The following CREBBP variants were observed in gnomAD, a reference collection of about 807,000 sequenced individuals.
The protein encoded by CREBBP is CREB binding lysine acetyltransferase, also known as CREB-binding protein.
In CREBBP, 19 loss-of-function variants were observed where a neutral mutation model predicts 265.0. That is an observed-to-expected ratio of 0.07 (90% confidence interval 0.05 to 0.11). The LOEUF (loss-of-function observed/expected upper bound fraction) is 0.11. Among genes scored for constraint, CREBBP ranks in the 10% least tolerant of loss-of-function variants. The probability of loss-of-function intolerance (pLI) is 1.00; values close to 1 mark genes in which losing one functional copy is unlikely to be tolerated. For synonymous variants in CREBBP, 1,457 were observed against 1,223.7 expected, an observed-to-expected ratio of 1.19 and a Z score of -3.98; for missense variants, 2,525 against 3,219.0, an observed-to-expected ratio of 0.78 and a Z score of 5.22.
rs1168515607 is a variant in CREBBP at position 3,778,696 on chromosome 16, C to G, written c.1941+4G>C. The G allele has an allele frequency of 5.0e-6, 8 of 1,606,748 alleles. No homozygotes were observed. Among genetic ancestry groups the G allele is most frequent in the African/African-American group, 1.3e-5 (1 of 74,784 alleles). On this transcript the variant is annotated splice_donor_region_variant and intron_variant, in intron 9 of 30. Transcript: ENST00000262367. ...AGGCCAGAGCACGGTAAACAGCAAC[C>G]TACCCTGCTGTTGGCAGACTCGTAC...
intron 2 of CREBBP, among the ~76,000 whole-genome samples, chr16:3,829,305 G>C (rs2054297144): frequency 6.6e-6 from 1 of 152,182 alleles, no homozygotes. Context: ...CAGAAGATGA[G>C]AGATAACGTT....
chr16:3,799,101 T>C (rs1305050283), intron 3 of CREBBP, among the ~76,000 whole-genome samples: 2 of 152,170 alleles, frequency 1.3e-5, no homozygotes, highest in African/African-American at 4.8e-5. Context: ...ATTCAATTTC[T>C]AGGAAATGCC....
At chr16:3,833,824 A>T (rs981390247) in intron 2 of CREBBP, among the ~76,000 whole-genome samples, 2 of 152,200 alleles carry the variant, frequency 1.3e-5, no homozygotes, top group Non-Finnish European at 2.9e-5. Flanking sequence ...TTCAAAGATA[A>T]TGTCAAGAGA....
chr16:3,849,133 G>A (rs988908644), intron 2 of CREBBP, among the ~76,000 whole-genome samples: 3 of 152,122 alleles, frequency 2.0e-5, no homozygotes, highest in Non-Finnish European at 2.9e-5. Context: ...GCCTGAAGAC[G>A]TGCCTGGTGG....
chr16:3,834,030 A>T (rs1406367576), intron 2 of CREBBP, among the ~76,000 whole-genome samples: 1 of 152,240 alleles, frequency 6.6e-6, no homozygotes, highest in Non-Finnish European at 1.5e-5. Context: ...AAGATGACCC[A>T]CATCTTATCA....
At chr16:3,867,645 T>C (rs1033734068) in intron 1 of CREBBP, among the ~76,000 whole-genome samples, 6 of 151,444 alleles carry the variant, frequency 4.0e-5, no homozygotes, top group African/African-American at 1.2e-4. Flanking sequence ...GGGCCGAGCA[T>C]AGTGGCTCAC....
intron 3 of CREBBP, among the ~76,000 whole-genome samples, chr16:3,798,986 A>C (rs1485975970): frequency 6.6e-6 from 1 of 152,130 alleles, no homozygotes; most frequent in Non-Finnish European, 1.5e-5. Flanking sequence ...CCAAAACGGA[A>C]TATTATTCAA....
Position 3,728,851 on chromosome 16 carries a change from C to T in CREBBP, c.6196G>A (p.Ala2066Thr), listed in dbSNP as rs1479729612. Reference protein sequence around the residue: ...VQPPRSISPSALQDLLRTLKS... With the variant: ...VQPPRSISPSTLQDLLRTLKS... Reference sequence around the variant, plus strand: ...AGGGTCCGCAGCAGGTCTTGCAGAGCGCTGGGTGAGATGCTCCTGGGTGGC... The same window carrying T: ...AGGGTCCGCAGCAGGTCTTGCAGAGTGCTGGGTGAGATGCTCCTGGGTGGC... Residue 2066 changes from alanine (A) to threonine (T), a missense_variant, in exon 31 of 31, where the codon GCT becomes ACT. Coordinates refer to ENST00000262367, the MANE Select transcript of CREBBP (RefSeq NM_004380.3). The surrounding 1 kb of genome is among the most constrained non-coding windows in gnomAD (Gnocchi z 8.7). 7 of 1,613,034 alleles carry T rather than the reference C, an allele frequency of 4.3e-6. No homozygotes were observed. Among genetic ancestry groups the T allele is most frequent in the Non-Finnish European group, 4.2e-6 (5 of 1,179,930 alleles).
rs375907437 is a variant in CREBBP at position 3,766,157 on chromosome 16, A to G, written c.3250+1563T>C. On this transcript the variant is annotated intron_variant, in intron 16 of 30. Transcript: ENST00000262367. The stretch of plus-strand genomic sequence containing the variant: ...CATGCAAGCACAAAAGATCCATTCC[A>G]AGTACAAGATGGATCAATGGATTCT... Among the ~76,000 whole-genome samples the G allele has an allele frequency of 5.9e-5, 9 of 152,336 alleles. No homozygotes were observed. The South Asian group carries it at 1.2e-3, about 21-fold the overall frequency.
intron 2 of CREBBP, among the ~76,000 whole-genome samples, chr16:3,838,394 G>A (rs922896596): frequency 5.9e-5 from 9 of 152,126 alleles, no homozygotes; most frequent in South Asian, 2.1e-4. Flanking sequence ...ACTTAATGAT[G>A]CATTTCACCC....
In CREBBP at chr16:3,879,881, G is replaced by A. The variant is rs1441646219; in HGVS notation, c.36C>T (p.Pro12=). ...AENLLDGPPN[P]KRAKLSSPGF... ...CGGGCGAGCTGAGTTTGGCTCTTTT[G>A]GGGTTGGGCGGTCCGTCCAGCAAGT... Residue 12 remains proline, a synonymous_variant, in exon 1 of 31, where the codon CCC becomes CCT. Coordinates refer to ENST00000262367, the MANE Select transcript of CREBBP (RefSeq NM_004380.3). 1.9e-6 allele frequency: 3 copies of A among 1,612,750 alleles called. No homozygotes were observed. Among genetic ancestry groups the A allele is most frequent in the Admixed American group, 1.7e-5 (1 of 59,960 alleles).
chr16:3,818,525 C>T (rs774791879), intron 2 of CREBBP, among the ~76,000 whole-genome samples: 17 of 152,022 alleles, frequency 1.1e-4, no homozygotes, highest in Non-Finnish European at 1.8e-4. Context: ...CTAAAGACCA[C>T]GTTGGCCAGG....
At chr16:3,761,651 G>C (rs189896539) in intron 16 of CREBBP, 1 of 504,076 alleles carries the variant, frequency 2.0e-6, no homozygotes, top group Admixed American at 2.1e-5. Context: ...CCTGAGGTCC[G>C]GGCAACCAGG....
At chr16:3,766,359 T>G (rs2052852623) in intron 16 of CREBBP, among the ~76,000 whole-genome samples, 1 of 152,190 alleles carries the variant, frequency 6.6e-6, no homozygotes, top group African/African-American at 2.4e-5. Flanking sequence ...CTTCATACAC[T>G]TCAACCAAAA....
At chr16:3,783,417 G>A (rs955842489) in intron 5 of CREBBP, among the ~76,000 whole-genome samples, 4 of 152,118 alleles carry the variant, frequency 2.6e-5, no homozygotes, top group African/African-American at 7.2e-5. Flanking sequence ...ATACCTGGTC[G>A]GTCAGTTTTG....
rs766085073 is a variant in CREBBP at position 3,731,829 on chromosome 16, C to T, written c.4837G>A (p.Val1613Met). The stretch of plus-strand genomic sequence containing the variant: ...AGCTTCTGGGACAGGTCATTGGACA[C>T]GTTGGGCATGCTGGGCTTCTTCTTG... ...ANKKKPSMPN[V>M]SNDLSQKLYA... The change falls in exon 29 of 31, where the codon GTG (valine) becomes ATG (methionine). Residue 1613 changes from valine to methionine, a missense_variant. Transcript: ENST00000262367. This position sits in a 1 kb window ranked among gnomAD's most constrained non-coding sequence, Gnocchi z 7.7. 65 of 1,614,132 alleles carry T rather than the reference C, an allele frequency of 4.0e-5. No homozygotes were observed. Among genetic ancestry groups the T allele is most frequent in the Non-Finnish European group, 4.6e-5 (54 of 1,180,056 alleles).
Position 3,773,710 on chromosome 16 carries a change from T to A in CREBBP, c.2463+41A>T, listed in dbSNP as rs780428567. On this transcript the variant is annotated intron_variant, in intron 13 of 30. Coordinates refer to ENST00000262367, the MANE Select transcript of CREBBP (RefSeq NM_004380.3). ...AAAAACCAAAACTTAACACAAGAATTTTATTTCCTAGGGAGCCACGGTCCC... is the reference window on the plus strand; with the variant it reads ...AAAAACCAAAACTTAACACAAGAATATTATTTCCTAGGGAGCCACGGTCCC... 3 of 1,604,136 alleles carry A rather than the reference T, an allele frequency of 1.9e-6. No individual in the cohort carries two copies. The East Asian group carries it at 6.7e-5, about 36-fold the overall frequency.
At chr16:3,843,793 C>T (rs1457467653) in intron 2 of CREBBP, among the ~76,000 whole-genome samples, 2 of 152,084 alleles carry the variant, frequency 1.3e-5, no homozygotes, top group Admixed American at 6.6e-5. Flanking sequence ...AGGGTGAAGT[C>T]TCTCAATTCT....
At chr16:3,853,939 A>AAAACAAAC (rs550524407) in intron 1 of CREBBP, among the ~76,000 whole-genome samples, 11 of 151,666 alleles carry the variant, frequency 7.3e-5, no homozygotes, top group Admixed American at 2.0e-4. Flanking sequence ...CTCCGTCTCA[A>AAAACAAAC]AAACAAACAA....
Sources: allele counts gnomAD v4.1 joint callset (sites outside exome capture counted in the v4.1 genomes callset), GRCh38; gene constraint gnomAD v4.1.1; non-coding constraint Gnocchi (gnomAD v3.1); transcripts MANE v1.5; gene names NCBI Gene and HGNC (gene_info 2026-07-23, HGNC 2026-07-21).